The following FRMPD1 variants were observed in gnomAD, a reference collection of about 807,000 sequenced individuals.
The protein encoded by FRMPD1 is FERM and PDZ domain containing 1.
In FRMPD1, 76 loss-of-function variants were observed where a neutral mutation model predicts 117.8. The observed-to-expected ratio is 0.65, with a 90% CI of 0.54 to 0.78. FRMPD1 has a LOEUF of 0.78. FRMPD1 is among the 30% of genes least tolerant of loss of function. The pLI is 0.00. For synonymous variants in FRMPD1, 783 were observed against 770.4 expected (o/e 1.02, Z -0.27); for missense variants, 1,786 against 1,964.5 (o/e 0.91, Z 1.72).
chr9:37,637,963 G>GCTTTTTTTTCTTT, the FRMPD1 span, among the ~76,000 whole-genome samples: 570 of 100,120 alleles, frequency 5.7e-3, 109 homozygotes, highest in East Asian at 0.033. Context: ...AATGGTGTAT[G>GCTTTTTTTTCTTT]CTTTCTTTCT....
the FRMPD1 span, among the ~76,000 whole-genome samples, chr9:37,630,405 A>G: frequency 6.6e-6 from 1 of 151,854 alleles, no homozygotes; most frequent in African/African-American, 2.4e-5. Flanking sequence ...TTTATGAGAC[A>G]GGGTTTCGCT....
chr9:37,706,437 CAG>C (rs1435186449), intron 2 of FRMPD1, among the ~76,000 whole-genome samples: 3 of 152,150 alleles, frequency 2.0e-5, no homozygotes, highest in Non-Finnish European at 2.9e-5. Flanking sequence ...ACCTTAACCG[CAG>C]AGTCCCAAGA....
At position 37,746,816 on chromosome 9, in the gene FRMPD1, C is replaced by A; in HGVS notation, c.*47C>A. 1.5e-6 allele frequency: 2 copies of A among 1,341,354 alleles called. No homozygotes were observed. Among genetic ancestry groups the A allele is most frequent in the Non-Finnish European group, 2.1e-6 (2 of 942,332 alleles). The allele number at this position is 1,341,354 out of a possible 1,614,324, so 83.1% of individuals were successfully genotyped here. On this transcript the variant is annotated 3_prime_UTR_variant, in exon 16 of 16. Transcript: ENST00000377765. ...CTCCTGCCCTGTCCTGCCTTGGACA[C>A]TTCCCTGAGAAGCCCCTTCCACTCT... is the stretch of plus-strand genomic sequence containing the variant.
At chr9:37,604,585 T>C in the FRMPD1 span, among the ~76,000 whole-genome samples, 5,199 of 152,338 alleles carry the variant, frequency 0.034, 286 homozygotes, top group African/African-American at 0.12. Context: ...CCAGGTTTTC[T>C]TTCCTTCTTA....
chr9:37,705,705 C>T (rs1320631241), intron 2 of FRMPD1, among the ~76,000 whole-genome samples: 4 of 150,770 alleles, frequency 2.7e-5, no homozygotes, highest in African/African-American at 4.9e-5. Context: ...AGGCTGGGTG[C>T]GGTGGCTCCT....
intron 1 of FRMPD1, among the ~76,000 whole-genome samples, chr9:37,669,510 G>C (rs1044893081): frequency 6.6e-6 from 1 of 152,188 alleles, no homozygotes; most frequent in African/African-American, 2.4e-5. Flanking sequence ...TCCTCTCCAT[G>C]TGTTTGACAC....
At chr9:37,681,491 G>A (rs1821728956) in intron 1 of FRMPD1, among the ~76,000 whole-genome samples, 1 of 152,140 alleles carries the variant, frequency 6.6e-6, no homozygotes, top group Non-Finnish European at 1.5e-5. Flanking sequence ...CTGATAAAGT[G>A]TCATAGCAAT....
At chr9:37,713,498 G>C (rs1822986880) in intron 5 of FRMPD1, among the ~76,000 whole-genome samples, 1 of 152,060 alleles carries the variant, frequency 6.6e-6, no homozygotes, top group Admixed American at 6.6e-5. Flanking sequence ...GCTTAGGTGA[G>C]AGAATCGCTT....
chr9:37,653,002 G>A (rs1820725694), intron 1 of FRMPD1, among the ~76,000 whole-genome samples: 1 of 152,138 alleles, frequency 6.6e-6, no homozygotes, highest in African/African-American at 2.4e-5. Flanking sequence ...AGGTCAAGGA[G>A]CTGGTACGAG....
At chr9:37,736,927 G>A (rs1252571252) in intron 13 of FRMPD1, among the ~76,000 whole-genome samples, 169 bp from the exon 14 acceptor site, 3 of 151,864 alleles carry the variant, frequency 2.0e-5, no homozygotes. Flanking sequence ...GTACATGCAT[G>A]TCCTCATTTA....
At chr9:37,742,895 T>C (rs1157154100) in intron 15 of FRMPD1, among the ~76,000 whole-genome samples, 1 of 151,926 alleles carries the variant, frequency 6.6e-6, no homozygotes, top group Non-Finnish European at 1.5e-5. Context: ...CAAGATTCTG[T>C]CTCAAAAAAC....
chr9:37,618,425 C>T, the FRMPD1 span, among the ~76,000 whole-genome samples: 5 of 152,252 alleles, frequency 3.3e-5, no homozygotes, highest in South Asian at 1.0e-3. Flanking sequence ...CCTCTTTTAC[C>T]TGGAATACTA....
intron 12 of FRMPD1, 66 bp from the exon 13 acceptor site, chr9:37,735,486 C>T (rs1824075865): frequency 1.6e-6 from 2 of 1,214,402 alleles, no homozygotes; most frequent in Non-Finnish European, 1.2e-6. Flanking sequence ...GGTATTATTG[C>T]TTACATGTGA....
the FRMPD1 span, among the ~76,000 whole-genome samples, chr9:37,613,699 C>G: frequency 6.6e-6 from 1 of 152,230 alleles, no homozygotes; most frequent in East Asian, 1.9e-4. Flanking sequence ...CTTTCAAGCA[C>G]CTTTTCTTCT....
intron 2 of FRMPD1, among the ~76,000 whole-genome samples, chr9:37,697,123 C>G (rs561106031): frequency 6.6e-6 from 1 of 152,130 alleles, no homozygotes; most frequent in Non-Finnish European, 1.5e-5. Flanking sequence ...AATCATTAGT[C>G]AAATTCAGTT....
At chr9:37,626,325 T>C in the FRMPD1 span, among the ~76,000 whole-genome samples, 4 of 148,730 alleles carry the variant, frequency 2.7e-5, no homozygotes, top group African/African-American at 1.0e-4. Context: ...CGAGACTCCA[T>C]CTGAAAAAAA....
chr9:37,650,781 G>T (rs558636572), upstream of FRMPD1, among the ~76,000 whole-genome samples: 673 of 151,474 alleles, frequency 4.4e-3, 2 homozygotes, highest in African/African-American at 0.015. Flanking sequence ...CCACTGCGGC[G>T]GGCCGGGACC....
At chr9:37,700,543 A>G (rs914159228) in intron 2 of FRMPD1, among the ~76,000 whole-genome samples, 3 of 152,258 alleles carry the variant, frequency 2.0e-5, no homozygotes, top group Non-Finnish European at 4.4e-5. Context: ...TTGTTGTTAC[A>G]GGATAGAGGT....
In FRMPD1 at chr9:37,746,780, GGCCCAAGGGCCTCCT is replaced by G. The variant is rs1300701858; in HGVS notation, c.*16_*30del. 6.3e-7 allele frequency: 1 copy of G among 1,593,258 alleles called. No individual in the cohort carries two copies. On this transcript the variant is annotated 3_prime_UTR_variant, in exon 16 of 16. Transcript: ENST00000377765. ...TCCACGGCCCTGTAAACAGGTCAAC[GGCCCAAGGGCCTCCT>G]GCCCTGTCCTGCCTTGGACACTTCC... is the stretch of plus-strand genomic sequence containing the variant.
Sources: allele counts gnomAD v4.1 joint callset (sites outside exome capture counted in the v4.1 genomes callset), GRCh38; gene constraint gnomAD v4.1.1; transcripts MANE v1.5; gene names NCBI Gene and HGNC (gene_info 2026-07-23, HGNC 2026-07-21).